The following GLI2 variants were observed in gnomAD, a reference collection of about 807,000 sequenced individuals.
The protein encoded by GLI2 is transcription activator GLI2.
GLI2 carries 22 observed loss-of-function variants against 78.9 expected under a neutral mutation model. The ratio of observed to expected loss-of-function variants is 0.28; its 90% CI spans 0.20 to 0.40. The LOEUF (loss-of-function observed/expected upper bound fraction) is 0.40, where lower values mean the gene tolerates loss of function less well. GLI2 is among the 10% of genes least tolerant of loss of function. The pLI is 1.00. For missense variants in GLI2, 2,097 were observed against 2,213.2 expected (o/e 0.95, Z 1.05); for synonymous variants, 974 against 963.7 (o/e 1.01, Z -0.20).
chr2:120,813,491 C>T (rs559651334), intron 2 of GLI2, among the ~76,000 whole-genome samples: 57 of 152,300 alleles, frequency 3.7e-4, no homozygotes, highest in Admixed American at 8.5e-4. Flanking sequence ...AGAGGGAGAG[C>T]CAAGCTCCAG....
chr2:120,941,628 A>G (rs1680450933), intron 3 of GLI2, among the ~76,000 whole-genome samples: 2 of 152,216 alleles, frequency 1.3e-5, no homozygotes, highest in Admixed American at 1.3e-4. Flanking sequence ...CCAGCAGGTC[A>G]GTGGGCCCAG....
At chr2:120,740,474 A>T (rs1043154638) in intron 1 of GLI2, among the ~76,000 whole-genome samples, 3 of 150,818 alleles carry the variant, frequency 2.0e-5, no homozygotes, top group African/African-American at 4.9e-5. Context: ...AGTGTGTTTT[A>T]ACTGTGAGTG....
intron 2 of GLI2, among the ~76,000 whole-genome samples, chr2:120,884,754 G>A (rs1050675839): frequency 2.6e-5 from 4 of 152,156 alleles, no homozygotes; most frequent in Non-Finnish European, 4.4e-5. Context: ...TGGGCAGCAC[G>A]GAGCCAGCAA....
At chr2:120,818,505 A>T (rs1457222167) in intron 2 of GLI2, among the ~76,000 whole-genome samples, 1 of 152,220 alleles carries the variant, frequency 6.6e-6, no homozygotes, top group Non-Finnish European at 1.5e-5. Flanking sequence ...TGGGCCAGGC[A>T]CTGGCATTGG....
chr2:120,980,955 A>C (rs903490625), intron 10 of GLI2, among the ~76,000 whole-genome samples: 4 of 151,614 alleles, frequency 2.6e-5, no homozygotes, highest in African/African-American at 9.7e-5. Context: ...ATCTTGGCTC[A>C]CTGCAACATC....
At chr2:120,760,319 T>TG (rs1387246221) in intron 1 of GLI2, among the ~76,000 whole-genome samples, 6 of 152,062 alleles carry the variant, frequency 3.9e-5, no homozygotes, top group Non-Finnish European at 5.9e-5. Context: ...TGGTCTTATG[T>TG]GGGGGGTCCA....
chr2:120,964,401 T>C (rs1282155919), intron 5 of GLI2, among the ~76,000 whole-genome samples: 1 of 152,240 alleles, frequency 6.6e-6, no homozygotes, highest in African/African-American at 2.4e-5. Context: ...GACATGATCT[T>C]ATTTCCAAGT....
chr2:120,742,679 T>TAAAAAACAAA (rs1682584135), intron 1 of GLI2, among the ~76,000 whole-genome samples: 1 of 140,696 alleles, frequency 7.1e-6, no homozygotes. Flanking sequence ...AGGATGACTT[T>TAAAAAACAAA]AAAAAAAAAG....
intron 2 of GLI2, among the ~76,000 whole-genome samples, chr2:120,905,372 C>T (rs973556615): frequency 2.6e-5 from 4 of 152,184 alleles, no homozygotes; most frequent in African/African-American, 9.7e-5. Context: ...GGGAGAACTG[C>T]CTACCAGAGG....
At position 120,856,796 on chromosome 2, in the gene GLI2, C is replaced by G. The variant is rs1413347698; in HGVS notation, c.148+59328C>G. Among the ~76,000 whole-genome samples the G allele has an allele frequency of 3.9e-5, 6 of 152,284 alleles. No homozygotes were observed. In the East Asian group the frequency reaches 9.7e-4, roughly 25 times the overall value. The stretch of plus-strand genomic sequence containing the variant: ...CATTCCTCAGGGGCGTCTGAAGAAG[C>G]CTCGTGTGGCTGGAATGGGGATAAA... On this transcript the variant is annotated intron_variant, in intron 2 of 13. Transcript: ENST00000361492.
chr2:120,974,779 AGT>A lies in GLI2; in HGVS notation c.1183-173_1183-172del, dbSNP rs3043526. The A allele has an allele frequency of 0.56, 350,891 of 627,408 alleles. 67,557 individuals carry two copies. The highest frequency in any genetic ancestry group is 0.6 in the Non-Finnish European group (208,550 of 347,786). The allele number at this position is 627,408 out of a possible 1,614,324, so 38.9% of individuals were successfully genotyped here. A position where few individuals can be genotyped will look rare whatever the true frequency, so the allele number is the denominator to read the frequency against. ...AGGAAAGGAGCTAAAAAGGCTGATG[AGT>A]GTGTGTGTGTGTGTGTGTGTGTCTG... On this transcript the variant is annotated intron_variant, in intron 8 of 13. Coordinates refer to ENST00000361492, the MANE Select transcript of GLI2 (RefSeq NM_001374353.1).
At chr2:120,904,199 G>A (rs1678403175) in intron 2 of GLI2, among the ~76,000 whole-genome samples, 1 of 152,204 alleles carries the variant, frequency 6.6e-6, no homozygotes, top group Non-Finnish European at 1.5e-5. Context: ...CTTCTGGAAA[G>A]AGCATTTGGA....
intron 2 of GLI2, among the ~76,000 whole-genome samples, chr2:120,898,215 C>CACACACACACACAA (rs1447294546): frequency 6.6e-6 from 1 of 150,818 alleles, no homozygotes; most frequent in African/African-American, 2.4e-5. Context: ...CACACACACA[C>CACACACACACACAA]AAAATGATTG....
At chr2:120,802,197 G>A (rs1421291482) in intron 2 of GLI2, among the ~76,000 whole-genome samples, 3 of 152,194 alleles carry the variant, frequency 2.0e-5, no homozygotes, top group African/African-American at 7.2e-5. Context: ...GACCTGTTGG[G>A]GGCTGGGTGT....
intron 1 of GLI2, among the ~76,000 whole-genome samples, chr2:120,768,828 T>TGTGTGTGTGTGC (rs1016876371): frequency 1.3e-5 from 2 of 150,414 alleles, no homozygotes; most frequent in African/African-American, 2.5e-5. Context: ...TGTGTGTGTG[T>TGTGTGTGTGTGC]GCGTGTGTGT....
intron 2 of GLI2, among the ~76,000 whole-genome samples, chr2:120,798,193 C>T (rs886810693): frequency 6.6e-6 from 1 of 152,240 alleles, no homozygotes; most frequent in Admixed American, 6.5e-5. Context: ...GGCCCTGTTG[C>T]TCTCAGGGCT....
At chr2:120,760,879 C>G (rs532274754) in intron 1 of GLI2, among the ~76,000 whole-genome samples, 2 of 152,150 alleles carry the variant, frequency 1.3e-5, no homozygotes, top group Non-Finnish European at 2.9e-5. Flanking sequence ...AAGCCTGTCC[C>G]GAGAAGGTTC....
At chr2:120,951,627 A>G in intron 4 of GLI2, 182 bp downstream of exon 4, 2 of 571,246 alleles carry the variant, frequency 3.5e-6, no homozygotes, top group Non-Finnish European at 6.2e-6. Flanking sequence ...CTCATTAAAG[A>G]GCCTTTGGTA....
In GLI2 at chr2:120,829,834, G is replaced by C. The variant is rs558879426; in HGVS notation, c.148+32366G>C. 1.4e-4 allele frequency among the ~76,000 whole-genome samples: 21 copies of C among 152,308 alleles called. No homozygotes were observed. In the South Asian group the frequency reaches 2.3e-3, roughly 17 times the overall value. Reference sequence around the variant, plus strand: ...CCTTCCCCAGTTCTCAGGGCTGGGGGCACTCAGAGGGAAGTGCAGGGCTGA... The same window carrying C: ...CCTTCCCCAGTTCTCAGGGCTGGGGCCACTCAGAGGGAAGTGCAGGGCTGA... On this transcript the variant is annotated intron_variant, in intron 2 of 13. Coordinates refer to ENST00000361492, the MANE Select transcript of GLI2 (RefSeq NM_001374353.1).
Sources: gnomAD v4.1 joint callset for allele counts (sites outside exome capture counted in the v4.1 genomes callset) on GRCh38, gnomAD v4.1.1 for gene constraint, MANE v1.5 for transcripts, NCBI Gene and HGNC (gene_info 2026-07-23, HGNC 2026-07-21) for gene names.